Variants in DBF4B observed in about 807,000 individuals in gnomAD.
DBF4B encodes DBF4B-CDC7 kinase regulatory subunit, also known as protein DBF4 homolog B.
Under a neutral mutation model 53.4 loss-of-function variants are expected in DBF4B, and 49 were observed. The ratio of observed to expected loss-of-function variants is 0.92; its 90% CI spans 0.73 to 1.16. The LOEUF is 1.16. Among genes scored for constraint, DBF4B ranks in the 50% most tolerant of loss-of-function variants. The pLI, the probability that DBF4B is intolerant of heterozygous loss-of-function variation, is 0.00. For missense variants in DBF4B, 692 were observed against 775.0 expected, an observed-to-expected ratio of 0.89 and a Z score of 1.27; for synonymous variants, 257 against 288.7, an observed-to-expected ratio of 0.89 and a Z score of 1.11.
intron 2 of DBF4B, among the ~76,000 whole-genome samples, chr17:44,711,220 A>T (rs1972837543): frequency 6.6e-6 from 1 of 152,078 alleles, no homozygotes; most frequent in Admixed American, 6.6e-5. Context: ...TCCCGACCTC[A>T]TGATCCACCT....
Position 44,749,885 on chromosome 17 carries a change from C to G in DBF4B, c.1190-710C>G. ...CAAAATGACTGTGTTTGTCCCCTCC[C>G]CCAGCCCCCCACGCTCCCGCACACA... On this transcript the variant is annotated intron_variant, in intron 13 of 13. Coordinates refer to ENST00000315005, the MANE Select transcript of DBF4B (RefSeq NM_145663.3). The surrounding 1 kb of genome is among the most constrained non-coding windows in gnomAD (Gnocchi z 4.4). 1.9e-6 allele frequency: 2 copies of G among 1,039,008 alleles called. No homozygotes were observed. Among genetic ancestry groups the G allele is most frequent in the Non-Finnish European group, 2.3e-6 (2 of 861,838 alleles). 64.4% of individuals were successfully genotyped at this position (1,039,008 alleles called of 1,614,324 possible). A position where few individuals can be genotyped will look rare whatever the true frequency, so the allele number is the denominator to read the frequency against.
intron 3 of DBF4B, 31 bp from the exon 4 acceptor site, chr17:44,729,872 TGG>T: frequency 1.2e-6 from 2 of 1,601,478 alleles, no homozygotes; most frequent in Admixed American, 1.7e-5. Flanking sequence ...ATTTGCTTTT[TGG>T]TTTTCAGCCA....
intron 3 of DBF4B, among the ~76,000 whole-genome samples, chr17:44,727,139 G>T (rs1274483675): frequency 7.1e-6 from 1 of 140,278 alleles, no homozygotes; most frequent in African/African-American, 2.6e-5. Context: ...ATATATTTAG[G>T]CTAGGCTCAG....
intron 9 of DBF4B, among the ~76,000 whole-genome samples, chr17:44,739,917 A>G (rs1975832231): frequency 6.6e-6 from 1 of 152,114 alleles, no homozygotes; most frequent in South Asian, 2.1e-4. Flanking sequence ...GGTGTTCACC[A>G]CCACGCCCAG....
intron 10 of DBF4B, among the ~76,000 whole-genome samples, chr17:44,743,248 T>C (rs1482434464): frequency 6.6e-6 from 1 of 152,158 alleles, no homozygotes; most frequent in Non-Finnish European, 1.5e-5. Flanking sequence ...GTGAGGCGCC[T>C]AGGCAGGGAG....
In DBF4B at chr17:44,749,410, C is replaced by T; in HGVS notation, c.1189+945C>T. On this transcript the variant is annotated intron_variant, in intron 13 of 13. Coordinates refer to ENST00000315005, the MANE Select transcript of DBF4B (RefSeq NM_145663.3). The surrounding 1 kb of genome is among the most constrained non-coding windows in gnomAD (Gnocchi z 4.4). ...CTCTGCTGGGTGCTGCACACCCGGC[C>T]AGGGCTGACCAGGACGCAGGAGGGG... The T allele has an allele frequency of 7.8e-7, 1 of 1,289,434 alleles. No individual in the cohort carries two copies. The highest frequency in any genetic ancestry group is 1.0e-6 in the Non-Finnish European group (1 of 988,868). 79.9% of individuals were successfully genotyped at this position (1,289,434 alleles called of 1,614,324 possible).
At chr17:44,733,478 A>G (rs1210164552) in intron 6 of DBF4B, among the ~76,000 whole-genome samples, 1 of 152,188 alleles carries the variant, frequency 6.6e-6, no homozygotes, top group Non-Finnish European at 1.5e-5. Flanking sequence ...TCCATTCTTG[A>G]GTCTGGAGTT....
At chr17:44,716,108 G>GCCA (rs1220592277) in intron 2 of DBF4B, among the ~76,000 whole-genome samples, 2 of 152,132 alleles carry the variant, frequency 1.3e-5, no homozygotes, top group East Asian at 1.9e-4. Flanking sequence ...ACAAACGTGA[G>GCCA]CCACCACACC....
chr17:44,713,165 G>T (rs555046648), intron 2 of DBF4B, among the ~76,000 whole-genome samples: 96 of 149,226 alleles, frequency 6.4e-4, no homozygotes, highest in Admixed American at 2.1e-3. Flanking sequence ...TCAGCCTCTG[G>T]AGTCGCTGGG....
At chr17:44,727,530 C>T (rs536018131) in intron 3 of DBF4B, among the ~76,000 whole-genome samples, 2 of 152,190 alleles carry the variant, frequency 1.3e-5, no homozygotes, top group South Asian at 4.1e-4. Context: ...GCTGTCAAAC[C>T]CAGAAACTCA....
At chr17:44,748,535 TACCTGG>T in intron 13 of DBF4B, 70 bp downstream of exon 13, 1 of 1,602,684 alleles carries the variant, frequency 6.2e-7, no homozygotes, top group South Asian at 1.1e-5. Flanking sequence ...ACTGGTGAGG[TACCTGG>T]ACCTATAGCA....
intron 2 of DBF4B, among the ~76,000 whole-genome samples, chr17:44,721,353 G>C (rs1345933932): frequency 6.6e-6 from 1 of 151,586 alleles, no homozygotes; most frequent in African/African-American, 2.4e-5. Flanking sequence ...CAAGTAGCTG[G>C]GATTACAGGT....
At position 44,751,098 on chromosome 17, in the gene DBF4B, G is replaced by A. The variant is rs202196229; in HGVS notation, c.1693G>A (p.Gly565Arg). Residue 565 changes from glycine to arginine, a missense_variant, in exon 14 of 14, where the codon GGA becomes AGA. By Grantham distance (125) the Gly-to-Arg change is moderately radical. This residue lies in a region of DBF4B where 597 missense variants were observed against 665.8 expected (regional missense o/e 0.90). Coordinates refer to ENST00000315005, the MANE Select transcript of DBF4B (RefSeq NM_145663.3). ...TCGGGTGCCCTCATTGTCAACTGCA[G>A]GACCCATTCCCCGAACCTCACATCC... ...RVRVPSLSTA[G>R]PIPRTSHPCT... 1.2e-6 allele frequency: 2 copies of A among 1,614,070 alleles called. No individual in the cohort carries two copies. The highest frequency in any genetic ancestry group is 1.6e-4 in the Middle Eastern group (1 of 6,062).
intron 2 of DBF4B, among the ~76,000 whole-genome samples, chr17:44,716,071 G>A (rs996551981): frequency 1.3e-5 from 2 of 151,364 alleles, no homozygotes; most frequent in Non-Finnish European, 2.9e-5. Flanking sequence ...TAATCCACCC[G>A]CCTCGGCCTC....
In DBF4B at chr17:44,738,434, A is replaced by G. The variant is rs775405892; in HGVS notation, c.713+10A>G. 6.2e-6 allele frequency: 10 copies of G among 1,612,722 alleles called. No individual in the cohort carries two copies. Among genetic ancestry groups the G allele is most frequent in the Non-Finnish European group, 8.5e-6 (10 of 1,179,212 alleles). ...TCGAAGATGAAAGCAGGTGAGTGGG[A>G]CCTCCTTTCTCTGCTTGCCCCAGCT... On this transcript the variant is annotated intron_variant, in intron 9 of 13. Transcript: ENST00000315005.
chr17:44,714,273 T>C (rs758384073), intron 2 of DBF4B, among the ~76,000 whole-genome samples: 1 of 152,084 alleles, frequency 6.6e-6, no homozygotes, highest in Non-Finnish European at 1.5e-5. Flanking sequence ...TAATTCACTG[T>C]AGAACTCATC....
chr17:44,713,722 A>G (rs963316432), intron 2 of DBF4B, among the ~76,000 whole-genome samples: 8 of 150,778 alleles, frequency 5.3e-5, no homozygotes, highest in Non-Finnish European at 1.2e-4. Context: ...TTGTTTTTTT[A>G]TGTATGGATC....
At chr17:44,710,724 C>A (rs1036561751) in intron 2 of DBF4B, among the ~76,000 whole-genome samples, 4 of 151,864 alleles carry the variant, frequency 2.6e-5, no homozygotes, top group African/African-American at 9.7e-5. Flanking sequence ...CAACACCACG[C>A]CCAGCTAATT....
chr17:44,718,399 GA>G (rs1304844625), intron 2 of DBF4B, among the ~76,000 whole-genome samples: 57 of 149,560 alleles, frequency 3.8e-4, no homozygotes, highest in Non-Finnish European at 5.6e-4. Flanking sequence ...CTCCAGCCTG[GA>G]CGACAGAGCA....
Sources: gnomAD v4.1 joint callset for allele counts (sites outside exome capture counted in the v4.1 genomes callset) on GRCh38, gnomAD v4.1.1 for gene constraint, gnomAD v4.1.1 regional missense constraint, Gnocchi (gnomAD v3.1) non-coding constraint, MANE v1.5 for transcripts, NCBI Gene and HGNC (gene_info 2026-07-23, HGNC 2026-07-21) for gene names.